GPC5: variants seen among roughly 807,000 people sequenced by gnomAD.
GPC5 encodes glypican-5.
A neutral mutation model predicts 53.9 loss-of-function variants in GPC5; 47 were observed. That is an observed-to-expected ratio of 0.87 (90% CI 0.69 to 1.11). GPC5 has a LOEUF of 1.11. Among genes scored for constraint, GPC5 ranks in the 50% most tolerant of loss-of-function variants. The pLI, the probability that GPC5 is intolerant of heterozygous loss-of-function variation, is 0.00. For synonymous variants in GPC5, 286 were observed against 263.3 expected (o/e 1.09, Z -0.84); for missense variants, 748 against 713.1 (o/e 1.05, Z -0.56).
At chr13:91,639,584 T>A (rs1483791910) in intron 2 of GPC5, among the ~76,000 whole-genome samples, 2 of 152,220 alleles carry the variant, frequency 1.3e-5, no homozygotes, top group Non-Finnish European at 2.9e-5. Context: ...TCAATTGGCA[T>A]CCTTCACGGA....
At chr13:91,526,667 G>A (rs1401145512) in intron 2 of GPC5, among the ~76,000 whole-genome samples, 1 of 152,178 alleles carries the variant, frequency 6.6e-6, no homozygotes, top group East Asian at 1.9e-4. Context: ...CATTTTCAGA[G>A]CTGTTTTTCT....
intron 6 of GPC5, among the ~76,000 whole-genome samples, chr13:91,933,984 C>G (rs992482177): frequency 6.6e-6 from 1 of 151,866 alleles, no homozygotes; most frequent in African/African-American, 2.4e-5. Flanking sequence ...TATTGTGTCC[C>G]TTGTAGTGGA....
At chr13:91,483,758 G>A (rs1306518305) in intron 2 of GPC5, among the ~76,000 whole-genome samples, 1 of 152,168 alleles carries the variant, frequency 6.6e-6, no homozygotes, top group African/African-American at 2.4e-5. Context: ...ATCATTGATA[G>A]GTTCTTAGAA....
intron 2 of GPC5, among the ~76,000 whole-genome samples, chr13:91,551,173 C>A (rs1163985929): frequency 7.9e-6 from 1 of 126,996 alleles, no homozygotes; most frequent in Non-Finnish European, 1.8e-5. Flanking sequence ...AACAGTGATT[C>A]TTGGTGGGTG....
At chr13:92,403,508 A>C (rs7326384) in intron 7 of GPC5, among the ~76,000 whole-genome samples, 1,723 of 152,312 alleles carry the variant, frequency 0.011, 34 homozygotes, top group African/African-American at 0.039. Flanking sequence ...TGAGCTGCGC[A>C]TGTGAGGGAT....
intron 5 of GPC5, among the ~76,000 whole-genome samples, chr13:91,898,647 G>A (rs1330662811): frequency 6.6e-6 from 1 of 150,732 alleles, no homozygotes; most frequent in Non-Finnish European, 1.5e-5. Context: ...ATCCTTTCCA[G>A]CTCTAAATTT....
At chr13:92,466,430 C>G (rs1878694421) in intron 7 of GPC5, among the ~76,000 whole-genome samples, 1 of 151,964 alleles carries the variant, frequency 6.6e-6, no homozygotes, top group South Asian at 2.1e-4. Flanking sequence ...TGTCTGATCT[C>G]AGAGACATTT....
chr13:91,718,864 T>C (rs1184318005), intron 3 of GPC5, among the ~76,000 whole-genome samples: 1 of 152,186 alleles, frequency 6.6e-6, no homozygotes, highest in Non-Finnish European at 1.5e-5. Context: ...TTGTACCCCA[T>C]TGAGATGGTG....
chr13:91,446,303 G>C (rs1880799062), intron 1 of GPC5, among the ~76,000 whole-genome samples: 1 of 152,114 alleles, frequency 6.6e-6, no homozygotes, highest in Non-Finnish European at 1.5e-5. Flanking sequence ...AACCACTACT[G>C]CTGCTTCTGG....
intron 7 of GPC5, among the ~76,000 whole-genome samples, chr13:92,831,468 A>G (rs1159393133): frequency 6.6e-6 from 1 of 152,156 alleles, no homozygotes; most frequent in Non-Finnish European, 1.5e-5. Context: ...CCTCTTACAC[A>G]TCTTAATATT....
intron 7 of GPC5, among the ~76,000 whole-genome samples, chr13:92,458,680 A>G: frequency 6.6e-6 from 1 of 152,170 alleles, no homozygotes; most frequent in East Asian, 1.9e-4. Context: ...GAGGCAAGAA[A>G]GAAGACAAAG....
At chr13:92,516,723 A>G (rs1294648541) in intron 7 of GPC5, among the ~76,000 whole-genome samples, 1 of 152,158 alleles carries the variant, frequency 6.6e-6, no homozygotes, top group African/African-American at 2.4e-5. Context: ...GATCAAGAAC[A>G]GATTATTGAG....
At chr13:92,703,452 T>A (rs1887830191) in intron 7 of GPC5, among the ~76,000 whole-genome samples, 1 of 151,782 alleles carries the variant, frequency 6.6e-6, no homozygotes, top group Non-Finnish European at 1.5e-5. Context: ...CAATATTATA[T>A]CTGCCTTTTG....
chr13:92,194,972 A>G lies in GPC5; in HGVS notation c.1561+49983A>G, dbSNP rs146923014. 2.6e-3 allele frequency among the ~76,000 whole-genome samples: 396 copies of G among 152,364 alleles called. 1 individual carries two copies. Among genetic ancestry groups the G allele is most frequent in the African/African-American group, 9.0e-3 (373 of 41,586 alleles). ...TATCATTGGAAATTCTAAACCTTAA[A>G]TCAGAGAAGCATTAGCAGTCAAAGA... On this transcript the variant is annotated intron_variant, in intron 7 of 7. Coordinates refer to ENST00000377067, the MANE Select transcript of GPC5 (RefSeq NM_004466.6).
chr13:92,702,104 C>T (rs190037852), intron 7 of GPC5, among the ~76,000 whole-genome samples: 1 of 152,254 alleles, frequency 6.6e-6, no homozygotes, highest in East Asian at 1.9e-4. Context: ...AAGCACTGAT[C>T]CTCCTGCCTC....
chr13:92,573,371 A>T (rs1356559132), intron 7 of GPC5, among the ~76,000 whole-genome samples: 1 of 152,218 alleles, frequency 6.6e-6, no homozygotes, highest in African/African-American at 2.4e-5. Flanking sequence ...CAGTTATGAG[A>T]GAATTAAATT....
At chr13:91,653,624 C>G (rs959743591) in intron 2 of GPC5, among the ~76,000 whole-genome samples, 5 of 152,094 alleles carry the variant, frequency 3.3e-5, no homozygotes, top group Non-Finnish European at 7.4e-5. Flanking sequence ...CATAATCAAT[C>G]AAAGAATCCT....
intron 7 of GPC5, among the ~76,000 whole-genome samples, chr13:92,815,721 T>A (rs527542011): frequency 6.6e-6 from 1 of 151,554 alleles, no homozygotes; most frequent in Admixed American, 6.6e-5. Context: ...GGTGGGGGTG[T>A]GGGAATAGTG....
intron 7 of GPC5, among the ~76,000 whole-genome samples, chr13:92,605,964 C>G (rs1246752418): frequency 1.3e-5 from 2 of 151,974 alleles, no homozygotes; most frequent in South Asian, 2.1e-4. Flanking sequence ...ACTTTTAATT[C>G]AAGAAGGAAG....
Sources: allele counts gnomAD v4.1 joint callset (sites outside exome capture counted in the v4.1 genomes callset), GRCh38; gene constraint gnomAD v4.1.1; transcripts MANE v1.5; gene names NCBI Gene and HGNC (gene_info 2026-07-23, HGNC 2026-07-21).